PCBP3: variants seen among roughly 807,000 people sequenced by gnomAD.
PCBP3 encodes poly(rC)-binding protein 3.
In PCBP3, 25 loss-of-function variants were observed where a neutral mutation model predicts 52.7. The observed-to-expected ratio is 0.47, with a 90% confidence interval of 0.35 to 0.66. The LOEUF is 0.66. Ranked by LOEUF, PCBP3 falls within the 30% of genes least tolerant of loss-of-function variation. The pLI, the probability that PCBP3 is intolerant of heterozygous loss-of-function variation, is 0.01. For synonymous variants in PCBP3, 162 were observed against 183.0 expected (o/e 0.89, Z 0.93); for missense variants, 391 against 490.3 (o/e 0.80, Z 1.91).
At position 45,899,475 on chromosome 21, in the gene PCBP3, CACCGGGAAGGTCCCTTCTGCACTCAT is replaced by C. The variant is rs1210596046; in HGVS notation, c.166-112_166-87del. 8 of 701,956 alleles carry C rather than the reference CACCGGGAAGGTCCCTTCTGCACTCAT, an allele frequency of 1.1e-5. No homozygotes were observed. The Admixed American group carries it at 1.3e-4, about 12-fold the overall frequency. 43.5% of individuals were successfully genotyped at this position (701,956 alleles called of 1,614,324 possible). On this transcript the variant is annotated intron_variant, in intron 6 of 17. Transcript: ENST00000681687. ...TTCTGAATTCTCCCTTCTTCATGCA[CACCGGGAAGGTCCCTTCTGCACTCAT>C]ACCGGGAAGGTAGGCAGGTTTCGGT...
chr21:45,665,264 C>T (rs1411260072), intron 1 of PCBP3, among the ~76,000 whole-genome samples: 2 of 151,966 alleles, frequency 1.3e-5, no homozygotes, highest in African/African-American at 2.4e-5. Flanking sequence ...AAAAATTAGA[C>T]AGGCATGGTG....
intron 2 of PCBP3, among the ~76,000 whole-genome samples, chr21:45,674,007 A>G (rs1237020949): frequency 6.6e-6 from 1 of 151,580 alleles, no homozygotes; most frequent in Admixed American, 6.5e-5. Context: ...AATAATCACC[A>G]TAATACTTAG....
intron 2 of PCBP3, among the ~76,000 whole-genome samples, chr21:45,682,701 G>C (rs2081924428): frequency 6.6e-6 from 1 of 152,040 alleles, no homozygotes; most frequent in African/African-American, 2.4e-5. Flanking sequence ...AGAATGGCGT[G>C]CCATCAGTTG....
intron 2 of PCBP3, among the ~76,000 whole-genome samples, chr21:45,713,974 C>T (rs1030643314): frequency 2.0e-5 from 3 of 152,220 alleles, no homozygotes; most frequent in Non-Finnish European, 4.4e-5. Flanking sequence ...CAGTTGTGTT[C>T]TTCCTTTATT....
At chr21:45,675,237 A>G (rs1165115159) in intron 2 of PCBP3, among the ~76,000 whole-genome samples, 3 of 152,192 alleles carry the variant, frequency 2.0e-5, no homozygotes, top group Non-Finnish European at 4.4e-5. Flanking sequence ...GTGAGCACAC[A>G]TGATGGGGAG....
chr21:45,861,253 C>G (rs1308828780), intron 5 of PCBP3, among the ~76,000 whole-genome samples: 1 of 152,254 alleles, frequency 6.6e-6, no homozygotes, highest in African/African-American at 2.4e-5. Flanking sequence ...ACAGCACCCA[C>G]CTGGGCCTCA....
At chr21:45,864,608 T>C (rs1375439536) in intron 5 of PCBP3, among the ~76,000 whole-genome samples, 1 of 151,114 alleles carries the variant, frequency 6.6e-6, no homozygotes, top group African/African-American at 2.4e-5. Context: ...TTGCAGTGTC[T>C]GTGTGGTGTG....
rs202151041 is a variant in PCBP3 at position 45,891,586 on chromosome 21, G to A, written c.11-4622G>A. ...GTCGGCGGGCAGTGGCGGGTGGAGT[G>A]GGAGCACGGACCACAGGGGACCAAG... On this transcript the variant is annotated intron_variant, in intron 5 of 17. Transcript: ENST00000681687. Among the ~76,000 whole-genome samples, 11 of 152,236 alleles carry A rather than the reference G, an allele frequency of 7.2e-5. No individual in the cohort carries two copies. In the East Asian group the frequency reaches 2.1e-3, roughly 29 times the overall value.
At chr21:45,709,824 A>T (rs1362831115) in intron 2 of PCBP3, among the ~76,000 whole-genome samples, 1 of 152,130 alleles carries the variant, frequency 6.6e-6, no homozygotes, top group East Asian at 1.9e-4. Flanking sequence ...ATTATATTTA[A>T]TCATTGTGGT....
At chr21:45,808,515 C>A (rs888584642) in intron 4 of PCBP3, among the ~76,000 whole-genome samples, 3 of 151,988 alleles carry the variant, frequency 2.0e-5, no homozygotes, top group Admixed American at 1.3e-4. Context: ...GTTAGAATGG[C>A]GATCATTAAA....
chr21:45,755,872 A>C (rs1468400044), intron 4 of PCBP3, among the ~76,000 whole-genome samples: 1 of 152,124 alleles, frequency 6.6e-6, no homozygotes, highest in Non-Finnish European at 1.5e-5. Flanking sequence ...TTTCTCCTAA[A>C]GTATGCCTTG....
At chr21:45,869,704 C>G (rs2094921597) in intron 5 of PCBP3, among the ~76,000 whole-genome samples, 1 of 150,832 alleles carries the variant, frequency 6.6e-6, no homozygotes, top group African/African-American at 2.4e-5. Context: ...CCTCGGTGGA[C>G]AGAAGGGCAG....
chr21:45,862,560 CAT>C (rs2094550893), intron 5 of PCBP3, among the ~76,000 whole-genome samples: 1 of 152,154 alleles, frequency 6.6e-6, no homozygotes, highest in African/African-American at 2.4e-5. Flanking sequence ...TGCATGTACA[CAT>C]ATTCTATTTT....
chr21:45,757,299 T>C (rs1314781411), intron 4 of PCBP3, among the ~76,000 whole-genome samples: 1 of 152,248 alleles, frequency 6.6e-6, no homozygotes, highest in Non-Finnish European at 1.5e-5. Flanking sequence ...CATCTTTTCT[T>C]GTGCTTATTG....
At chr21:45,749,950 C>A (rs939916115) in intron 3 of PCBP3, 1 of 152,260 alleles carries the variant, frequency 6.6e-6, no homozygotes, top group South Asian at 2.1e-4. Flanking sequence ...GAACATTTTC[C>A]ACAGCCTTTC....
At position 45,809,101 on chromosome 21, in the gene PCBP3, A is replaced by G. The variant is rs1355655087; in HGVS notation, c.-125-40860A>G. Among the ~76,000 whole-genome samples, 8 of 152,144 alleles carry G rather than the reference A, an allele frequency of 5.3e-5. No individual in the cohort carries two copies. The East Asian group carries it at 1.5e-3, about 29-fold the overall frequency. Reference sequence around the variant, plus strand: ...ACTACCTAATGTAGATAATGGGTTGATGGGTGCAGCAAACCACCATGGCAT... The same window carrying G: ...ACTACCTAATGTAGATAATGGGTTGGTGGGTGCAGCAAACCACCATGGCAT... On this transcript the variant is annotated intron_variant, in intron 4 of 17. Coordinates refer to ENST00000681687, the MANE Select transcript of PCBP3 (RefSeq NM_001384156.1).
intron 4 of PCBP3, among the ~76,000 whole-genome samples, chr21:45,780,372 T>C (rs1399494684): frequency 6.6e-6 from 1 of 152,270 alleles, no homozygotes; most frequent in Non-Finnish European, 1.5e-5. Flanking sequence ...TTATAAATTC[T>C]AGTTATGATC....
chr21:45,696,105 AAGGTCTTTTC>A (rs1186060875), intron 2 of PCBP3, among the ~76,000 whole-genome samples: 4 of 147,254 alleles, frequency 2.7e-5, no homozygotes, highest in African/African-American at 1.0e-4. Flanking sequence ...AAAAAAAAAA[AAGGTCTTTTC>A]AATAAATGGA....
In PCBP3 at chr21:45,917,904, A is replaced by G. The variant is rs1273967976; in HGVS notation, c.717+275A>G. 1 of 485,922 alleles carries G rather than the reference A, an allele frequency of 2.1e-6. No individual in the cohort carries two copies. Among genetic ancestry groups the G allele is most frequent in the Non-Finnish European group, 3.8e-6 (1 of 261,900 alleles). The allele number at this position is 485,922 out of a possible 1,614,324, so 30.1% of individuals were successfully genotyped here. A position where few individuals can be genotyped will look rare whatever the true frequency, so the allele number is the denominator to read the frequency against. ...TCCCTCCCACGGGGCCTGGGAGGGA[A>G]CTGAGACGGGCTCTGTCCCCGTGCA... On this transcript the variant is annotated intron_variant, in intron 13 of 17. Transcript: ENST00000681687. This position sits in a 1 kb window ranked among gnomAD's most constrained non-coding sequence, Gnocchi z 5.3.
Sources: allele counts gnomAD v4.1 joint callset (sites outside exome capture counted in the v4.1 genomes callset), GRCh38; gene constraint gnomAD v4.1.1; non-coding constraint Gnocchi (gnomAD v3.1); transcripts MANE v1.5; gene names NCBI Gene and HGNC (gene_info 2026-07-23, HGNC 2026-07-21).